BCORL1: variants seen among roughly 807,000 people sequenced by gnomAD.
The protein encoded by BCORL1 is BCL-6 corepressor-like protein 1.
A neutral mutation model predicts 87.6 loss-of-function variants in BCORL1; 7 were observed. The ratio of observed to expected loss-of-function variants is 0.08; its 90% CI spans 0.05 to 0.15. The LOEUF (loss-of-function observed/expected upper bound fraction) is 0.15. Ranked by LOEUF, BCORL1 falls within the 10% of genes least tolerant of loss-of-function variation. The probability of loss-of-function intolerance (pLI) is 1.00; values close to 1 mark genes in which losing one functional copy is unlikely to be tolerated. For missense variants in BCORL1, 1,215 were observed against 1,499.7 expected (o/e 0.81, Z 3.13); for synonymous variants, 591 against 634.4 (o/e 0.93, Z 1.03).
intron 8 of BCORL1, among the ~76,000 whole-genome samples, chrX:130,034,209 T>A: frequency 9.0e-6 from 1 of 111,618 alleles, no homozygotes; most frequent in East Asian, 2.8e-4. Flanking sequence ...TCTTCATATC[T>A]CCCCACCGGC....
At chrX:129,984,478 G>T (rs1327766569) in intron 1 of BCORL1, among the ~76,000 whole-genome samples, 1 of 111,540 alleles carries the variant, frequency 9.0e-6, no homozygotes, top group East Asian at 2.9e-4. Flanking sequence ...GGCCTCGTGG[G>T]CTTGGCTCCT....
At chrX:129,990,286 C>T (rs900101824) in intron 1 of BCORL1, among the ~76,000 whole-genome samples, 3 of 110,901 alleles carry the variant, frequency 2.7e-5, no homozygotes, top group Non-Finnish European at 5.7e-5. Flanking sequence ...GGCTGGAGTG[C>T]AGTGGCGCTA....
Position 130,025,274 on chromosome X carries a change from G to A in BCORL1, c.3973G>A (p.Gly1325Ser), listed in dbSNP as rs1930171348. ...NEEEEEEEEEGLLKRKKRRRQ... is the reference protein window; with the variant it reads ...NEEEEEEEEESLLKRKKRRRQ... ...GGAGGAGGAGGAAGAAGAGGAGGAG[G>A]GCCTGCTGAAGAGGAAGAAACGAAG... The change falls in exon 7 of 14, where the codon GGC becomes AGC. Residue 1325 changes from glycine (G) to serine (S), a missense_variant. Coordinates refer to ENST00000540052, the MANE Select transcript of BCORL1 (RefSeq NM_001379451.1). 2 of 1,206,478 alleles carry A rather than the reference G, an allele frequency of 1.7e-6. No individual in the cohort carries two copies. The highest frequency in any genetic ancestry group is 1.8e-5 in the South Asian group (1 of 56,444).
Position 130,015,320 on chromosome X carries a change from G to A in BCORL1, c.2548G>A (p.Gly850Arg), listed in dbSNP as rs199913486. 4.0e-5 allele frequency: 48 copies of A among 1,210,188 alleles called. No individual in the cohort carries two copies. Among genetic ancestry groups the A allele is most frequent in the Admixed American group, 6.5e-5 (3 of 45,922 alleles). ...GCTTTCCATTGGCATTTCCAGTGCCGGGCAGCTGACCCCCAGTCAGGGGGC... is the reference window on the plus strand; with the variant it reads ...GCTTTCCATTGGCATTTCCAGTGCCAGGCAGCTGACCCCCAGTCAGGGGGC... ...SLLSIGISSA[G>R]QLTPSQGAPI... Residue 850 changes from glycine to arginine, a missense_variant, in exon 4 of 14, where the codon GGG becomes AGG. By Grantham distance (125) the Gly-to-Arg change is moderately radical. This residue lies in a region of BCORL1 where 861 missense variants were observed against 1,010.0 expected (regional missense o/e 0.85). Transcript: ENST00000540052.
intron 2 of BCORL1, among the ~76,000 whole-genome samples, chrX:130,006,078 G>A (rs537247341): frequency 3.7e-4 from 42 of 112,089 alleles, no homozygotes; most frequent in South Asian, 1.8e-3. Context: ...CTGGTGGTCA[G>A]CGCTTTCTCA....
chrX:130,000,896 T>TGTGTGTGTG lies in BCORL1; in HGVS notation c.-44-4292_-44-4291insGTGTGTGTG, dbSNP rs1569360173. ...GTAGTAAGCAAACATGGTGGATGCT[T>TGTGTGTGTG]TGTGTGTGTGTGTGTGTGTGTGTGT... On this transcript the variant is annotated intron_variant, in intron 1 of 13. Coordinates refer to ENST00000540052, the MANE Select transcript of BCORL1 (RefSeq NM_001379451.1). Among the ~76,000 whole-genome samples, 556 of 98,236 alleles carry TGTGTGTGTG rather than the reference T, an allele frequency of 5.7e-3. 3 individuals are homozygous for TGTGTGTGTG. The highest frequency in any genetic ancestry group is 0.018 in the African/African-American group (492 of 26,862). The allele number at this position is 98,236 out of a possible 115,157, so 85.3% of individuals were successfully genotyped here.
Position 130,056,878 on chromosome X carries a change from C to T in BCORL1, c.*742C>T, listed in dbSNP as rs1932424465. On this transcript the variant is annotated 3_prime_UTR_variant, in exon 14 of 14. Coordinates refer to ENST00000540052, the MANE Select transcript of BCORL1 (RefSeq NM_001379451.1). ...GTGCTCCCCCACCCACCCATTCCCG[C>T]CCTTTGCAGCAGCCCCGCTATCTTG... 1 of 107,406 alleles carries T rather than the reference C, an allele frequency of 9.3e-6. No individual in the cohort carries two copies. Among genetic ancestry groups the T allele is most frequent in the Non-Finnish European group, 1.9e-5 (1 of 51,893 alleles). 8.9% of individuals were successfully genotyped at this position (107,406 alleles called of 1,213,427 possible).
At position 130,005,813 on chromosome X, in the gene BCORL1, C is replaced by T. The variant is rs369834562; in HGVS notation, c.86+496C>T. On this transcript the variant is annotated intron_variant, in intron 2 of 13. Transcript: ENST00000540052. Reference sequence around the variant, plus strand: ...TTTTTTTTTTGTAGTTTTTTAGAGACGGGGGTTTCGCCATGTGGCCCGGGC... The same window carrying T: ...TTTTTTTTTTGTAGTTTTTTAGAGATGGGGGTTTCGCCATGTGGCCCGGGC... Among the ~76,000 whole-genome samples the T allele has an allele frequency of 7.5e-5, 8 of 106,078 alleles. No individual in the cohort carries two copies. In the South Asian group the frequency reaches 1.7e-3, roughly 22 times the overall value. 92.1% of individuals were successfully genotyped at this position (106,078 alleles called of 115,157 possible).
intron 1 of BCORL1, among the ~76,000 whole-genome samples, chrX:129,997,052 C>T (rs1927618063): frequency 9.0e-6 from 1 of 111,343 alleles, no homozygotes; most frequent in Non-Finnish European, 1.9e-5. Context: ...CATGCTTTTG[C>T]TTGTAATTGT....
In BCORL1 at chrX:130,057,406, T is replaced by C. The variant is rs764166845; in HGVS notation, c.*1270T>C. 2.7e-5 allele frequency: 3 copies of C among 110,823 alleles called. No homozygotes were observed. In the East Asian group the frequency reaches 8.6e-4, roughly 32 times the overall value. The allele number at this position is 110,823 out of a possible 1,213,427, so 9.1% of individuals were successfully genotyped here. ...GGCCTCCAGCGCTGGGTTTGTCGAG[T>C]GAGAGAGAGAGAGGAGCTTGGGTTG... On this transcript the variant is annotated 3_prime_UTR_variant, in exon 14 of 14. Transcript: ENST00000540052.
Position 130,014,012 on chromosome X carries a change from T to C in BCORL1, c.1240T>C (p.Ser414Pro). Residue 414 changes from serine (S) to proline (P), a missense_variant, in exon 4 of 14, where the codon TCC becomes CCC. Ser to Pro is a moderately conservative substitution (Grantham distance 74, BLOSUM62 -1). This residue lies in a region of BCORL1 where 861 missense variants were observed against 1,010.0 expected (regional missense o/e 0.85). Transcript: ENST00000540052. Reference protein sequence around the residue: ...AIPTSAPIPASFSLSRVCFPA... With the variant: ...AIPTSAPIPAPFSLSRVCFPA... ...TCCCACCTCTGCACCCATCCCGGCC[T>C]CCTTCAGTTTGAGTAGAGTGTGCTT... 1.7e-6 allele frequency: 2 copies of C among 1,208,688 alleles called. No individual in the cohort carries two copies. Among genetic ancestry groups the C allele is most frequent in the Non-Finnish European group, 2.2e-6 (2 of 894,626 alleles).
At chrX:130,037,663 C>T (rs749628014) in intron 10 of BCORL1, 130 bp downstream of exon 10, 214 of 772,614 alleles carry the variant, frequency 2.8e-4, no homozygotes, top group East Asian at 3.5e-4. Context: ...GAGGCCAAGG[C>T]GGGCGGATCA....
chrX:130,034,607 A>ACGT lies in BCORL1; in HGVS notation c.4461_4463dup (p.Arg1488dup). The ACGT allele has an allele frequency of 1.0e-6, 1 of 983,226 alleles. No individual in the cohort carries two copies. Among genetic ancestry groups the ACGT allele is most frequent in the Non-Finnish European group, 1.3e-6 (1 of 756,207 alleles). 81.0% of individuals were successfully genotyped at this position (983,226 alleles called of 1,213,427 possible). ...CAGCCCGGCAGATCCCCCCAGAGGC[A>ACGT]CGTCGGCTCATAGTGAACAAAAATG... On this transcript the variant is annotated inframe_insertion, in exon 9 of 14. Coordinates refer to ENST00000540052, the MANE Select transcript of BCORL1 (RefSeq NM_001379451.1).
rs749088004 is a variant in BCORL1 at position 130,018,060 on chromosome X, T to C, written c.3441+1847T>C. Among the ~76,000 whole-genome samples the C allele has an allele frequency of 1.6e-3, 185 of 112,294 alleles. 1 individual carries two copies. Among genetic ancestry groups the C allele is most frequent in the Non-Finnish European group, 2.6e-3 (140 of 53,227 alleles). ...CTCTTCAGGAGGGTGGTATCATAGA[T>C]TGATGAGGAGTATGCTCCCTGGAGC... On this transcript the variant is annotated intron_variant, in intron 4 of 13. Transcript: ENST00000540052.
At chrX:130,028,532 C>T in intron 7 of BCORL1, 103 bp from the exon 8 acceptor site, 1 of 667,754 alleles carries the variant, frequency 1.5e-6, no homozygotes, top group South Asian at 2.5e-5. Flanking sequence ...CTTTGCACTG[C>T]AGTTCTAATC....
chrX:129,981,825 T>C, upstream of BCORL1: 2 of 96,254 alleles, frequency 2.1e-5, no homozygotes, highest in South Asian at 1.1e-3. Flanking sequence ...TGGGTAGTCG[T>C]CCCCAGAAGG....
intron 11 of BCORL1, among the ~76,000 whole-genome samples, chrX:130,049,235 C>T (rs1931938704): frequency 8.9e-6 from 1 of 112,560 alleles, no homozygotes; most frequent in Non-Finnish European, 1.9e-5. Context: ...TTTTCCACAG[C>T]AGCTGAACCA....
At chrX:130,022,499 C>T (rs771131108) in intron 5 of BCORL1, among the ~76,000 whole-genome samples, 194 of 110,082 alleles carry the variant, frequency 1.8e-3, no homozygotes, top group African/African-American at 5.9e-3. Flanking sequence ...CCACCCACCT[C>T]GGCCTCCCAA....
Position 130,013,902 on chromosome X carries a change from C to A in BCORL1, c.1130C>A (p.Ala377Asp), listed in dbSNP as rs768067473. 1 of 1,165,918 alleles carries A rather than the reference C, an allele frequency of 8.6e-7. No homozygotes were observed. Among genetic ancestry groups the A allele is most frequent in the Non-Finnish European group, 1.1e-6 (1 of 871,977 alleles). ...PSTPTLIPAF[A>D]PTPVPAPTPA... ...ACCCCCACCCTCATCCCCGCCTTTGCTCCTACACCGGTGCCTGCACCCACC... is the reference window on the plus strand; with the variant it reads ...ACCCCCACCCTCATCCCCGCCTTTGATCCTACACCGGTGCCTGCACCCACC... Residue 377 changes from alanine (A) to aspartate (D), a missense_variant, in exon 4 of 14, where the codon GCT (alanine) becomes GAT (aspartate). By Grantham distance (126) the Ala-to-Asp change is moderately radical. Transcript: ENST00000540052.
Sources: gnomAD v4.1 joint callset for allele counts (sites outside exome capture counted in the v4.1 genomes callset) on GRCh38, gnomAD v4.1.1 for gene constraint, gnomAD v4.1.1 regional missense constraint, MANE v1.5 for transcripts, NCBI Gene and HGNC (gene_info 2026-07-23, HGNC 2026-07-21) for gene names.